Variants in LINGO2 observed in about 807,000 individuals in gnomAD.
The protein encoded by LINGO2 is leucine rich repeat and Ig domain containing 2, also known as leucine-rich repeat and immunoglobulin-like domain-containing nogo receptor-interacting protein 2.
Under a neutral mutation model 30.6 loss-of-function variants are expected in LINGO2, and 14 were observed. The observed-to-expected ratio is 0.46, with a 90% CI of 0.30 to 0.72. The LOEUF (loss-of-function observed/expected upper bound fraction) is 0.72. LINGO2 is among the 30% of genes least tolerant of loss of function. LINGO2 has a pLI of 0.07. For missense variants in LINGO2, 729 were observed against 751.7 expected, an observed-to-expected ratio of 0.97 and a Z score of 0.35; for synonymous variants, 317 against 288.5, an observed-to-expected ratio of 1.10 and a Z score of -1.00.
At chr9:28,769,766 G>C in the LINGO2 span, among the ~76,000 whole-genome samples, 1 of 150,382 alleles carries the variant, frequency 6.6e-6, no homozygotes, top group Non-Finnish European at 1.5e-5. Context: ...GCATAGAATA[G>C]ATCATCTTTT....
At chr9:27,977,370 G>T (rs1277194714) in intron 5 of LINGO2, among the ~76,000 whole-genome samples, 1 of 151,856 alleles carries the variant, frequency 6.6e-6, no homozygotes, top group Non-Finnish European at 1.5e-5. Flanking sequence ...TACTTCAGGT[G>T]ATAGAGAGCT....
At chr9:28,951,915 A>G in the LINGO2 span, among the ~76,000 whole-genome samples, 3 of 152,182 alleles carry the variant, frequency 2.0e-5, no homozygotes, top group Non-Finnish European at 2.9e-5. Flanking sequence ...TCAAAAGAAG[A>G]TATTTACATG....
the LINGO2 span, among the ~76,000 whole-genome samples, chr9:29,211,592 TCTCC>T: frequency 6.6e-6 from 1 of 151,814 alleles, no homozygotes; most frequent in Non-Finnish European, 1.5e-5. Flanking sequence ...TCTCTCTCTC[TCTCC>T]CTCCCTCCCT....
chr9:28,215,549 A>G (rs1587243576), intron 4 of LINGO2, among the ~76,000 whole-genome samples: 1 of 151,908 alleles, frequency 6.6e-6, no homozygotes, highest in African/African-American at 2.4e-5. Context: ...GAGCAAGTGA[A>G]TATTTTCTTT....
chr9:28,758,349 G>C, the LINGO2 span, among the ~76,000 whole-genome samples: 1 of 151,990 alleles, frequency 6.6e-6, no homozygotes. Flanking sequence ...GTTATGTGAT[G>C]ATTTTAAATT....
chr9:28,715,773 T>C, the LINGO2 span, among the ~76,000 whole-genome samples: 2 of 152,070 alleles, frequency 1.3e-5, no homozygotes, highest in Non-Finnish European at 2.9e-5. Flanking sequence ...GAAGATTTGT[T>C]TGGCAGGAGT....
intron 1 of LINGO2, among the ~76,000 whole-genome samples, chr9:28,619,503 A>T (rs1205654806): frequency 6.6e-6 from 1 of 152,166 alleles, no homozygotes; most frequent in African/African-American, 2.4e-5. Flanking sequence ...ACTGAATGTA[A>T]TTAATTTAGC....
chr9:29,051,769 G>A, the LINGO2 span, among the ~76,000 whole-genome samples: 1 of 152,010 alleles, frequency 6.6e-6, no homozygotes, highest in Non-Finnish European at 1.5e-5. Flanking sequence ...GGGGATTTTG[G>A]ACTCAGGAAG....
chr9:28,472,956 G>A (rs10968609), intron 2 of LINGO2, among the ~76,000 whole-genome samples: 16 of 152,088 alleles, frequency 1.1e-4, no homozygotes, highest in Non-Finnish European at 1.9e-4. Flanking sequence ...GCATACACAA[G>A]GATGGAAAAC....
the LINGO2 span, among the ~76,000 whole-genome samples, chr9:29,070,413 A>C: frequency 6.6e-6 from 1 of 152,074 alleles, no homozygotes; most frequent in Non-Finnish European, 1.5e-5. Context: ...CAATGCATTG[A>C]CCTCGGGACT....
chr9:28,538,616 C>T (rs1351071841), intron 1 of LINGO2, among the ~76,000 whole-genome samples: 2 of 152,112 alleles, frequency 1.3e-5, no homozygotes, highest in Admixed American at 1.3e-4. Flanking sequence ...CTCACAGTTC[C>T]AGAGGCTACG....
At chr9:29,051,171 C>T in the LINGO2 span, among the ~76,000 whole-genome samples, 1 of 152,116 alleles carries the variant, frequency 6.6e-6, no homozygotes, top group Non-Finnish European at 1.5e-5. Flanking sequence ...ATAGTTTACA[C>T]TAGGGTTCAG....
the LINGO2 span, among the ~76,000 whole-genome samples, chr9:29,008,679 G>A: frequency 4.6e-5 from 7 of 152,124 alleles, no homozygotes; most frequent in Admixed American, 1.3e-4. Flanking sequence ...GATGGCCAGC[G>A]ATGATGAGCA....
intron 1 of LINGO2, among the ~76,000 whole-genome samples, chr9:28,590,239 G>T (rs1414982973): frequency 6.6e-6 from 1 of 152,016 alleles, no homozygotes. Flanking sequence ...CAGGACATAG[G>T]CATGGGCAAG....
chr9:28,592,046 C>A (rs982938065), intron 1 of LINGO2, among the ~76,000 whole-genome samples: 2 of 152,052 alleles, frequency 1.3e-5, no homozygotes, highest in Non-Finnish European at 2.9e-5. Context: ...GATCTCTTCC[C>A]ATAGTCATGG....
the LINGO2 span, among the ~76,000 whole-genome samples, chr9:29,158,107 C>T: frequency 9.2e-5 from 14 of 151,720 alleles, no homozygotes; most frequent in Admixed American, 2.6e-4. Context: ...CTTTGGGAGG[C>T]CAAGGTGGGC....
intron 4 of LINGO2, among the ~76,000 whole-genome samples, chr9:28,163,703 G>A (rs375012272): frequency 7.9e-5 from 12 of 152,108 alleles, no homozygotes; most frequent in African/African-American, 7.2e-5. Context: ...AGATTATGAC[G>A]CCAAGTTACT....
the LINGO2 span, among the ~76,000 whole-genome samples, chr9:29,127,791 C>T: frequency 6.6e-6 from 1 of 152,086 alleles, no homozygotes; most frequent in Non-Finnish European, 1.5e-5. Flanking sequence ...GTTATAGTCC[C>T]TGATCCCTAC....
At chr9:28,008,420 TA>T (rs1358653846) in intron 5 of LINGO2, among the ~76,000 whole-genome samples, 2 of 152,066 alleles carry the variant, frequency 1.3e-5, no homozygotes, top group Non-Finnish European at 2.9e-5. Context: ...CCATTTAATA[TA>T]ACTCCACTCT....
Sources: gnomAD v4.1 joint callset for allele counts (sites outside exome capture counted in the v4.1 genomes callset) on GRCh38, gnomAD v4.1.1 for gene constraint, MANE v1.5 for transcripts, NCBI Gene and HGNC (gene_info 2026-07-23, HGNC 2026-07-21) for gene names.